CRADD: variants seen among roughly 807,000 people sequenced by gnomAD.
CRADD encodes the protein CARD and death domain containing adaptor protein, also known as death domain-containing protein CRADD.
Under a neutral mutation model 15.5 loss-of-function variants are expected in CRADD, and 9 were observed. The observed-to-expected ratio is 0.58, with a 90% CI of 0.35 to 1.01. CRADD has a LOEUF of 1.01. Ranked by LOEUF, CRADD falls within the 50% of genes least tolerant of loss-of-function variation. The probability of loss-of-function intolerance (pLI) is 0.02; values close to 1 mark genes in which losing one functional copy is unlikely to be tolerated. For synonymous variants in CRADD, 118 were observed against 107.6 expected, an observed-to-expected ratio of 1.10 and a Z score of -0.60; for missense variants, 227 against 250.3, an observed-to-expected ratio of 0.91 and a Z score of 0.63.
chr12:93,712,076 A>C (rs1956083810), intron 2 of CRADD, among the ~76,000 whole-genome samples: 1 of 152,086 alleles, frequency 6.6e-6, no homozygotes, highest in Admixed American at 6.6e-5. Context: ...TTAACAGTGC[A>C]CTAGACACTC....
chr12:93,696,706 G>A (rs1024558925), intron 2 of CRADD, among the ~76,000 whole-genome samples: 1 of 150,734 alleles, frequency 6.6e-6, no homozygotes, highest in African/African-American at 2.4e-5. Context: ...TTGGCCCTTT[G>A]TATCTATGGA....
intron 2 of CRADD, among the ~76,000 whole-genome samples, chr12:93,816,383 A>ATTTATT (rs559863221): frequency 3.3e-5 from 4 of 122,094 alleles, no homozygotes; most frequent in Non-Finnish European, 1.6e-5. Flanking sequence ...TGCCTGGCTA[A>ATTTATT]TTTTTTTTTT....
chr12:93,762,374 C>T (rs7962567), intron 2 of CRADD, among the ~76,000 whole-genome samples: 17,400 of 152,122 alleles, frequency 0.11, 2,547 homozygotes, highest in African/African-American at 0.33. Flanking sequence ...ATATGTCTGG[C>T]TTTCTTGAAC....
At chr12:93,794,336 A>G (rs1031981369) in intron 2 of CRADD, among the ~76,000 whole-genome samples, 1 of 152,150 alleles carries the variant, frequency 6.6e-6, no homozygotes, top group African/African-American at 2.4e-5. Context: ...AGGCATCTCA[A>G]ATTTAATGTA....
chr12:93,847,635 G>A (rs1005179077), intron 2 of CRADD, among the ~76,000 whole-genome samples: 1 of 151,718 alleles, frequency 6.6e-6, no homozygotes, highest in Non-Finnish European at 1.5e-5. Context: ...ACACTGGTGA[G>A]CATTCAACCA....
At chr12:93,698,498 C>T (rs1955766046) in intron 2 of CRADD, among the ~76,000 whole-genome samples, 1 of 152,208 alleles carries the variant, frequency 6.6e-6, no homozygotes, top group Non-Finnish European at 1.5e-5. Context: ...AAAAGACCTT[C>T]TCTAAATGAC....
At chr12:93,806,565 A>G (rs1213426000) in intron 2 of CRADD, among the ~76,000 whole-genome samples, 1 of 152,030 alleles carries the variant, frequency 6.6e-6, no homozygotes, top group Non-Finnish European at 1.5e-5. Context: ...TACCCACTTA[A>G]GCTTCTCATC....
rs78758178 is a variant in CRADD, at chr12:93,880,929, A to G, written c.299-13121A>G. Among the ~76,000 whole-genome samples, 1,452 of 152,364 alleles carry G rather than the reference A, an allele frequency of 9.5e-3. 21 individuals are homozygous for G. The highest frequency in any genetic ancestry group is 0.033 in the African/African-American group (1,389 of 41,592). ...AACTGAGTGAAAGGCTTTCCTTCTCAGAAATAAGAACTAACACCTCACTAG... is the reference window on the plus strand; with the variant it reads ...AACTGAGTGAAAGGCTTTCCTTCTCGGAAATAAGAACTAACACCTCACTAG... On this transcript the variant is annotated intron_variant, in intron 2 of 2. Coordinates refer to the CRADD transcript ENST00000548483.
intron 2 of CRADD, among the ~76,000 whole-genome samples, chr12:93,875,189 T>C (rs946436986): frequency 3.9e-5 from 6 of 152,138 alleles, no homozygotes; most frequent in Non-Finnish European, 5.9e-5. Context: ...TGTTTCTTCT[T>C]ATAATTTTGG....
rs111851867 is a variant in CRADD, at chr12:93,753,531, A to G, written c.298+74459A>G. ...TTCCGCTTATGAGCCTGTAAAATCA[A>G]AAGTAAGTTAGTTACTTCCTACATA... On this transcript the variant is annotated intron_variant, in intron 2 of 2. Transcript: ENST00000332896. 4.1e-3 allele frequency among the ~76,000 whole-genome samples: 627 copies of G among 152,342 alleles called. 6 individuals carry two copies. The highest frequency in any genetic ancestry group is 0.014 in the African/African-American group (602 of 41,570).
chr12:93,681,502 A>G (rs1020345040), intron 2 of CRADD, among the ~76,000 whole-genome samples: 1 of 152,194 alleles, frequency 6.6e-6, no homozygotes, highest in Non-Finnish European at 1.5e-5. Context: ...TGATTTATAT[A>G]TGTCTTTGAA....
chr12:93,744,459 A>G (rs764443723), intron 2 of CRADD, among the ~76,000 whole-genome samples: 6 of 152,214 alleles, frequency 3.9e-5, no homozygotes, highest in Non-Finnish European at 8.8e-5. Flanking sequence ...ATGTGATTAC[A>G]GTGGCCCAAC....
chr12:93,751,870 C>G (rs949198787), intron 2 of CRADD, among the ~76,000 whole-genome samples: 7 of 152,124 alleles, frequency 4.6e-5, no homozygotes, highest in Non-Finnish European at 8.8e-5. Context: ...TTCAAAAACA[C>G]AAACAAAAAA....
At chr12:93,797,174 G>T (rs549271125) in intron 2 of CRADD, among the ~76,000 whole-genome samples, 1 of 152,196 alleles carries the variant, frequency 6.6e-6, no homozygotes, top group Admixed American at 6.5e-5. Context: ...GAGCTGCTTT[G>T]TGTAAGCCAA....
At chr12:93,764,603 G>T (rs559029648) in intron 2 of CRADD, among the ~76,000 whole-genome samples, 4 of 152,104 alleles carry the variant, frequency 2.6e-5, no homozygotes, top group South Asian at 2.1e-4. Flanking sequence ...TTTCATGGGT[G>T]GGGGAGGGTT....
intron 2 of CRADD, among the ~76,000 whole-genome samples, chr12:93,769,646 G>A (rs1957061993): frequency 6.6e-6 from 1 of 152,152 alleles, no homozygotes; most frequent in Non-Finnish European, 1.5e-5. Context: ...CTTATCTTTG[G>A]CAACACTTGG....
At chr12:93,865,283 A>T (rs370844503) in intron 2 of CRADD, among the ~76,000 whole-genome samples, 12 of 152,312 alleles carry the variant, frequency 7.9e-5, no homozygotes, top group African/African-American at 2.2e-4. Context: ...GGAACTGCAT[A>T]CTGGTACAGT....
At chr12:93,845,393 T>C (rs1411250477) in intron 2 of CRADD, among the ~76,000 whole-genome samples, 1 of 152,078 alleles carries the variant, frequency 6.6e-6, no homozygotes, top group African/African-American at 2.4e-5. Context: ...TCATGACTGT[T>C]CTGTGAAATG....
chr12:93,806,404 A>T (rs190857518), intron 2 of CRADD, among the ~76,000 whole-genome samples: 246 of 139,806 alleles, frequency 1.8e-3, no homozygotes, highest in Admixed American at 2.9e-3. Flanking sequence ...GTGAGCTGAG[A>T]CTGTGCCACT....
Sources: allele counts gnomAD v4.1 joint callset (sites outside exome capture counted in the v4.1 genomes callset), GRCh38; gene constraint gnomAD v4.1.1; transcripts MANE v1.5; gene names NCBI Gene and HGNC (gene_info 2026-07-23, HGNC 2026-07-21).